MARCHF1: variants seen among roughly 807,000 people sequenced by gnomAD.
The protein encoded by MARCHF1 is E3 ubiquitin-protein ligase MARCHF1.
MARCHF1 carries 40 observed loss-of-function variants against 54.2 expected under a neutral mutation model. The observed-to-expected ratio is 0.74, with a 90% CI of 0.57 to 0.96. The LOEUF (loss-of-function observed/expected upper bound fraction) is 0.96, where lower values mean the gene tolerates loss of function less well. Ranked by LOEUF, MARCHF1 falls within the 40% of genes least tolerant of loss-of-function variation. The probability of loss-of-function intolerance (pLI) is 0.00; values close to 1 mark genes in which losing one functional copy is unlikely to be tolerated. For synonymous variants in MARCHF1, 236 were observed against 236.3 expected, an observed-to-expected ratio of 1.00 and a Z score of 0.01; for missense variants, 586 against 656.5, an observed-to-expected ratio of 0.89 and a Z score of 1.17.
chr4:163,840,394 A>G, intron 4 of MARCHF1, among the ~76,000 whole-genome samples: 1 of 152,240 alleles, frequency 6.6e-6, no homozygotes, highest in South Asian at 2.1e-4. Context: ...ATTTTTATAA[A>G]TTCAACTTTT....
intron 4 of MARCHF1, among the ~76,000 whole-genome samples, chr4:163,752,866 G>A (rs1746564721): frequency 6.6e-6 from 1 of 152,124 alleles, no homozygotes; most frequent in Admixed American, 6.5e-5. Flanking sequence ...ATCTTGGCAA[G>A]AATGCATTGC....
intron 4 of MARCHF1, among the ~76,000 whole-genome samples, chr4:163,764,605 T>G (rs1746922867): frequency 6.6e-6 from 1 of 152,100 alleles, no homozygotes; most frequent in Non-Finnish European, 1.5e-5. Context: ...TAAAGAAATA[T>G]CCTTGTCTGA....
At chr4:163,614,969 G>C (rs991206278) in intron 5 of MARCHF1, among the ~76,000 whole-genome samples, 1 of 152,062 alleles carries the variant, frequency 6.6e-6, no homozygotes, top group Admixed American at 6.6e-5. Context: ...GCTTAAAAAG[G>C]CTAGAAAATG....
At chr4:163,656,022 C>A (rs1431011924) in intron 5 of MARCHF1, among the ~76,000 whole-genome samples, 7 of 151,450 alleles carry the variant, frequency 4.6e-5, no homozygotes, top group African/African-American at 1.7e-4. Context: ...CAAACAAACC[C>A]CAAAGCTAGC....
intron 4 of MARCHF1, among the ~76,000 whole-genome samples, chr4:163,827,152 T>C (rs1209892979): frequency 6.6e-6 from 1 of 152,094 alleles, no homozygotes; most frequent in Non-Finnish European, 1.5e-5. Flanking sequence ...TCTCCTTTTA[T>C]CTTCGGCTGA....
intron 1 of MARCHF1, chr4:164,189,083 C>A (rs941002431): frequency 2.2e-5 from 15 of 689,242 alleles, no homozygotes; most frequent in African/African-American, 2.1e-4. Flanking sequence ...TCTCCTCTCA[C>A]CATTGACAAT....
intron 3 of MARCHF1, among the ~76,000 whole-genome samples, chr4:163,901,693 C>A (rs1005271982): frequency 2.6e-5 from 4 of 152,196 alleles, no homozygotes; most frequent in African/African-American, 9.6e-5. Context: ...AATGACATTT[C>A]TCTTCCCAGT....
intron 3 of MARCHF1, among the ~76,000 whole-genome samples, chr4:163,894,059 G>C (rs878924369): frequency 2.6e-5 from 4 of 152,018 alleles, no homozygotes; most frequent in Non-Finnish European, 5.9e-5. Context: ...CATTTTTCTC[G>C]TGTAATCCCA....
chr4:163,937,076 T>C (rs762933067), intron 3 of MARCHF1, among the ~76,000 whole-genome samples: 8 of 152,194 alleles, frequency 5.3e-5, no homozygotes, highest in Admixed American at 2.6e-4. Flanking sequence ...TCATCTCTAA[T>C]TGACCATAAT....
At chr4:163,976,459 G>T (rs1752651757) in intron 3 of MARCHF1, among the ~76,000 whole-genome samples, 1 of 152,086 alleles carries the variant, frequency 6.6e-6, no homozygotes, top group Admixed American at 6.6e-5. Context: ...TGGCCACAAG[G>T]CAAACTATGG....
At chr4:163,750,522 AAATAAATAAAT>A (rs1746491909) in intron 4 of MARCHF1, among the ~76,000 whole-genome samples, 1 of 69,690 alleles carries the variant, frequency 1.4e-5, no homozygotes, top group Non-Finnish European at 4.3e-5. Flanking sequence ...AAAAATAAAT[AAATAAATAAAT>A]AAATAAATAA....
chr4:163,972,816 C>G (rs1752574676), intron 3 of MARCHF1, among the ~76,000 whole-genome samples: 1 of 151,932 alleles, frequency 6.6e-6, no homozygotes, highest in Admixed American at 6.6e-5. Flanking sequence ...CTCGGCCTCC[C>G]AAAGTGCTGG....
At chr4:164,261,316 T>A in intron 1 of MARCHF1, among the ~76,000 whole-genome samples, 1 of 152,184 alleles carries the variant, frequency 6.6e-6, no homozygotes, top group East Asian at 1.9e-4. Flanking sequence ...CTAAGGTAGA[T>A]ATGATCATTG....
In MARCHF1 at chr4:163,854,178, A is replaced by G; in HGVS notation, c.-38-9T>C. ...TTTCAATTTCTGAAATTCTGAAAAT[A>G]ATTTACATTCCCTGAAACAGGTCAC... is the stretch of plus-strand genomic sequence containing the variant. On this transcript the variant is annotated splice_polypyrimidine_tract_variant and intron_variant, in intron 3 of 9. Transcript: ENST00000514618. 6.7e-7 allele frequency: 1 copy of G among 1,499,730 alleles called. No individual in the cohort carries two copies. The highest frequency in any genetic ancestry group is 8.9e-7 in the Non-Finnish European group (1 of 1,125,568). The allele number at this position is 1,499,730 out of a possible 1,614,324, so 92.9% of individuals were successfully genotyped here.
chr4:163,566,948 T>C lies in MARCHF1; in HGVS notation c.1191+18801A>G, dbSNP rs189065915. 2.0e-5 allele frequency among the ~76,000 whole-genome samples: 3 copies of C among 152,300 alleles called. No individual in the cohort carries two copies. The East Asian group carries it at 5.8e-4, about 29-fold the overall frequency. ...TAATTTGTGCTTTACTACGTTCTTC[T>C]ACCTTATAAGTTAATAGGTTCACCA... On this transcript the variant is annotated intron_variant, in intron 8 of 9. Transcript: ENST00000514618.
At chr4:163,698,521 T>C (rs936299404) in intron 5 of MARCHF1, among the ~76,000 whole-genome samples, 4 of 152,216 alleles carry the variant, frequency 2.6e-5, no homozygotes, top group Non-Finnish European at 5.9e-5. Context: ...CAATTTAAGT[T>C]ATGTTTAAGA....
At chr4:163,910,223 C>A (rs193121598) in intron 3 of MARCHF1, among the ~76,000 whole-genome samples, 1 of 151,990 alleles carries the variant, frequency 6.6e-6, no homozygotes, top group Non-Finnish European at 1.5e-5. Context: ...ATATTTTAGG[C>A]TTGGTGGGCA....
chr4:164,169,028 A>T (rs972361932), intron 1 of MARCHF1, among the ~76,000 whole-genome samples: 8 of 152,078 alleles, frequency 5.3e-5, no homozygotes, highest in Non-Finnish European at 7.4e-5. Flanking sequence ...GTACAAAATG[A>T]AGATGAAGTT....
chr4:164,163,300 A>C (rs1730289168), intron 1 of MARCHF1, among the ~76,000 whole-genome samples: 1 of 152,058 alleles, frequency 6.6e-6, no homozygotes, highest in South Asian at 2.1e-4. Context: ...AAAATACAAA[A>C]TAAAGACAGC....
Sources: allele counts gnomAD v4.1 joint callset (sites outside exome capture counted in the v4.1 genomes callset), GRCh38; gene constraint gnomAD v4.1.1; transcripts MANE v1.5; gene names NCBI Gene and HGNC (gene_info 2026-07-23, HGNC 2026-07-21).